Variants in CREB5 observed in about 807,000 individuals in gnomAD.
CREB5 encodes the protein cyclic AMP-responsive element-binding protein 5.
A neutral mutation model predicts 57.1 loss-of-function variants in CREB5; 19 were observed. The ratio of observed to expected loss-of-function variants is 0.33; its 90% CI spans 0.23 to 0.49. The LOEUF is 0.49. Ranked by LOEUF, CREB5 falls within the 20% of genes least tolerant of loss-of-function variation. The pLI is 0.99. For missense variants in CREB5, 579 were observed against 671.6 expected (o/e 0.86, Z 1.52); for synonymous variants, 238 against 238.3 (o/e 1.00, Z 0.01).
chr7:28,491,295 A>G, intron 2 of CREB5: 1 of 979,448 alleles, frequency 1.0e-6, no homozygotes, highest in Non-Finnish European at 1.2e-6. Context: ...GCTAATCCCC[A>G]GAAGATAAAG....
chr7:28,306,005 A>G (rs113181714), intron 1 of CREB5, among the ~76,000 whole-genome samples: 2 of 152,002 alleles, frequency 1.3e-5, no homozygotes, highest in African/African-American at 2.4e-5. Flanking sequence ...TGCAAAAGTG[A>G]TAAGCTATTG....
At chr7:28,547,263 A>G (rs1794457143) in intron 4 of CREB5, among the ~76,000 whole-genome samples, 1 of 152,226 alleles carries the variant, frequency 6.6e-6, no homozygotes, top group South Asian at 2.1e-4. Flanking sequence ...TACACTAATA[A>G]TATAGGGTTC....
intron 5 of CREB5, among the ~76,000 whole-genome samples, chr7:28,646,816 A>G (rs1365231823): frequency 6.6e-6 from 1 of 152,222 alleles, no homozygotes; most frequent in East Asian, 1.9e-4. Flanking sequence ...TTGGGCTGCC[A>G]CCATTATTTA....
intron 5 of CREB5, among the ~76,000 whole-genome samples, chr7:28,613,503 G>T (rs775235801): frequency 2.6e-5 from 4 of 152,216 alleles, no homozygotes; most frequent in African/African-American, 4.8e-5. Context: ...GAATGAAAGA[G>T]TATTTCGACT....
At chr7:28,322,137 C>T (rs1458269414) in intron 1 of CREB5, among the ~76,000 whole-genome samples, 1 of 151,994 alleles carries the variant, frequency 6.6e-6, no homozygotes, top group Non-Finnish European at 1.5e-5. Flanking sequence ...GCTCTTCTAC[C>T]CAAAAGCATT....
intron 5 of CREB5, among the ~76,000 whole-genome samples, chr7:28,606,550 T>C (rs1259467470): frequency 6.6e-6 from 1 of 152,186 alleles, no homozygotes; most frequent in Non-Finnish European, 1.5e-5. Flanking sequence ...ATCTTCCCTC[T>C]GCCTCTCAGT....
chr7:28,669,383 T>C (rs2128718195), intron 5 of CREB5, among the ~76,000 whole-genome samples: 1 of 152,336 alleles, frequency 6.6e-6, no homozygotes, highest in East Asian at 1.9e-4. Context: ...CCCTTTATGT[T>C]TGTGTCCTGG....
At chr7:28,537,324 C>G (rs1409591537) in intron 4 of CREB5, among the ~76,000 whole-genome samples, 2 of 152,042 alleles carry the variant, frequency 1.3e-5, no homozygotes, top group Non-Finnish European at 2.9e-5. Context: ...TTTAGAACAG[C>G]TCTGAACTTT....
At chr7:28,318,478 G>A (rs1329813492) in intron 1 of CREB5, among the ~76,000 whole-genome samples, 1 of 152,232 alleles carries the variant, frequency 6.6e-6, no homozygotes, top group Non-Finnish European at 1.5e-5. Flanking sequence ...TGAGGCATTG[G>A]TGGGTTAAAT....
intron 5 of CREB5, among the ~76,000 whole-genome samples, chr7:28,685,353 C>T (rs1439811004): frequency 1.3e-5 from 2 of 152,164 alleles, no homozygotes; most frequent in African/African-American, 4.8e-5. Flanking sequence ...TTTCACAGCC[C>T]TTGGTGGCTC....
chr7:28,464,565 C>T (rs963180376), intron 1 of CREB5, among the ~76,000 whole-genome samples: 13 of 144,852 alleles, frequency 9.0e-5, no homozygotes, highest in Admixed American at 7.0e-5. Flanking sequence ...TTGCTTGTTG[C>T]ATGTTTATTC....
At chr7:28,542,654 C>T (rs1005889959) in intron 4 of CREB5, among the ~76,000 whole-genome samples, 2 of 151,990 alleles carry the variant, frequency 1.3e-5, no homozygotes, top group Non-Finnish European at 2.9e-5. Context: ...CCTTTTGTGC[C>T]ACTGTGCTTT....
chr7:28,686,882 G>A (rs917458803), intron 5 of CREB5, among the ~76,000 whole-genome samples: 4 of 151,410 alleles, frequency 2.6e-5, no homozygotes, highest in Non-Finnish European at 5.9e-5. Context: ...TCACAGCTGT[G>A]TATTATTTTC....
chr7:28,546,191 G>A (rs1794417127), intron 4 of CREB5, among the ~76,000 whole-genome samples: 1 of 152,172 alleles, frequency 6.6e-6, no homozygotes, highest in South Asian at 2.1e-4. Context: ...ATGTTGTCAA[G>A]GTTCATCCAT....
intron 4 of CREB5, among the ~76,000 whole-genome samples, chr7:28,543,320 CA>C (rs1794281837): frequency 6.6e-6 from 1 of 152,108 alleles, no homozygotes; most frequent in East Asian, 1.9e-4. Context: ...CATATCATTC[CA>C]AAAAATGTAT....
rs559346801 is a variant in CREB5 at position 28,817,080 on chromosome 7, G to A, written c.1255-991G>A. 9.2e-5 allele frequency among the ~76,000 whole-genome samples: 14 copies of A among 152,154 alleles called. No individual in the cohort carries two copies. The East Asian group carries it at 1.9e-3, about 21-fold the overall frequency. ...ATATTAACAGATAAAGTAGAGATCC[G>A]AGGCACTTACATGAGTAAATAAGAA... On this transcript the variant is annotated intron_variant, in intron 9 of 10. Coordinates refer to ENST00000357727, the MANE Select transcript of CREB5 (RefSeq NM_182898.4).
At chr7:28,531,086 T>C (rs1793708567) in intron 4 of CREB5, among the ~76,000 whole-genome samples, 1 of 152,012 alleles carries the variant, frequency 6.6e-6, no homozygotes, top group African/African-American at 2.4e-5. Context: ...AGGCACAATA[T>C]AATGTTTTGG....
At chr7:28,312,382 G>C (rs944740172) in intron 1 of CREB5, among the ~76,000 whole-genome samples, 1 of 152,162 alleles carries the variant, frequency 6.6e-6, no homozygotes. Context: ...ATTTCACAGA[G>C]GGGGAGGCAC....
upstream of CREB5, among the ~76,000 whole-genome samples, chr7:28,407,554 G>A (rs1787610474): frequency 6.6e-6 from 1 of 152,206 alleles, no homozygotes; most frequent in Non-Finnish European, 1.5e-5. Context: ...AATGATTTGT[G>A]TGTGTGTGTG....
Sources: allele counts gnomAD v4.1 joint callset (sites outside exome capture counted in the v4.1 genomes callset), GRCh38; gene constraint gnomAD v4.1.1; transcripts MANE v1.5; gene names NCBI Gene and HGNC (gene_info 2026-07-23, HGNC 2026-07-21).